Variants in TRIM66 observed in about 807,000 individuals in gnomAD.
TRIM66 encodes the protein tripartite motif-containing protein 66.
In TRIM66, 99 loss-of-function variants were observed where a neutral mutation model predicts 148.2. That is an observed-to-expected ratio of 0.67 (90% CI 0.57 to 0.79). The LOEUF is 0.79. TRIM66 is among the 30% of genes least tolerant of loss of function. The pLI is 0.00. For synonymous variants in TRIM66, 616 were observed against 635.9 expected (o/e 0.97, Z 0.47); for missense variants, 1,666 against 1,697.9 (o/e 0.98, Z 0.33).
In TRIM66 at chr11:8,621,218, C is replaced by T. The variant is rs772034872; in HGVS notation, c.3359G>A (p.Gly1120Asp). The T allele has an allele frequency of 1.6e-5, 25 of 1,551,724 alleles. No individual in the cohort carries two copies. In the South Asian group the frequency reaches 2.0e-4, roughly 13 times the overall value. The change falls in exon 20 of 25, where the codon GGC (glycine) becomes GAC (aspartate). Residue 1120 changes from glycine to aspartate, a missense_variant. By Grantham distance (94) the Gly-to-Asp change is moderately conservative. Transcript: ENST00000646038. ...LAGQRPPEVEGTSPEEHRLIP... is the reference protein window; with the variant it reads ...LAGQRPPEVEDTSPEEHRLIP... ...GAGTCTGTGTTCTTCAGGAGATGTG[C>T]CCTCCACTTCTGGTGGCCGCTGCCC...
In TRIM66 at chr11:8,640,745, A is replaced by G; in HGVS notation, c.1630T>C (p.Ser544Pro). 6.4e-7 allele frequency: 1 copy of G among 1,551,398 alleles called. No individual in the cohort carries two copies. The highest frequency in any genetic ancestry group is 8.7e-7 in the Non-Finnish European group (1 of 1,146,978). ...GTCAGCTGCTGCCCCAGCCGCTGGG[A>G]TGTGCTCTCCTGCTCCACGGGGGGC... The part of the protein sequence containing the change: ...TQPPVEQEST[S>P]QRLGQQLTSQ... The change falls in exon 14 of 25, where the codon TCC becomes CCC. Residue 544 changes from serine to proline, a missense_variant. Coordinates refer to ENST00000646038, the MANE Select transcript of TRIM66 (RefSeq NM_001388022.1).
chr11:8,652,670 G>A lies in TRIM66; in HGVS notation c.341-767C>T, dbSNP rs143179163. Among the ~76,000 whole-genome samples the A allele has an allele frequency of 5.3e-5, 8 of 152,218 alleles. No individual in the cohort carries two copies. The East Asian group carries it at 1.5e-3, about 29-fold the overall frequency. ...CCCTGGAGACCACAGTGATTCTGCC[G>A]GCCCACCGCAAGGGCAGTCAACCTA... On this transcript the variant is annotated intron_variant, in intron 6 of 24. Transcript: ENST00000646038.
intron 6 of TRIM66, among the ~76,000 whole-genome samples, chr11:8,656,202 A>T (rs2037816010): frequency 6.6e-6 from 1 of 152,280 alleles, no homozygotes; most frequent in African/African-American, 2.4e-5. Context: ...GTTTTACTTT[A>T]GACAAGGCAT....
At position 8,642,986 on chromosome 11, in the gene TRIM66, TG is replaced by T. The variant is rs1380461489; in HGVS notation, c.1222+22del. On this transcript the variant is annotated intron_variant, in intron 13 of 24. Coordinates refer to ENST00000646038, the MANE Select transcript of TRIM66 (RefSeq NM_001388022.1). The stretch of plus-strand genomic sequence containing the variant: ...TCAAAGCCCACAGGGTGGGTAGGCC[TG>T]GGTGGGTGGGTCCAAGCTCACCAAG... The T allele has an allele frequency of 1.4e-5, 21 of 1,526,370 alleles. No individual in the cohort carries two copies. In the Admixed American group the frequency reaches 4.1e-4, roughly 30 times the overall value. The allele number at this position is 1,526,370 out of a possible 1,614,324, so 94.6% of individuals were successfully genotyped here.
In TRIM66 at chr11:8,678,363, G is replaced by A. The variant is rs761774612; in HGVS notation, c.-190+1257C>T. ...TAAAAATAATCATGAAGACTGGGTA[G>A]TGATACGAAAAACTGCCATGGTATT... On this transcript the variant is annotated intron_variant, in intron 3 of 24. Transcript: ENST00000646038. 4.6e-5 allele frequency among the ~76,000 whole-genome samples: 7 copies of A among 152,292 alleles called. No individual in the cohort carries two copies. The Middle Eastern group carries it at 0.02, about 444-fold the overall frequency.
chr11:8,652,836 A>G (rs2037478842), intron 6 of TRIM66, among the ~76,000 whole-genome samples: 1 of 152,236 alleles, frequency 6.6e-6, no homozygotes, highest in Admixed American at 6.5e-5. Flanking sequence ...TCAAAATACG[A>G]AAGAATGATA....
intron 13 of TRIM66, among the ~76,000 whole-genome samples, chr11:8,642,420 A>T (rs985928284): frequency 4.6e-5 from 7 of 152,158 alleles, no homozygotes; most frequent in Admixed American, 4.6e-4. Context: ...TCAGTTTAAC[A>T]CTCGTTAGGC....
intron 6 of TRIM66, among the ~76,000 whole-genome samples, chr11:8,670,465 G>A (rs1376600265): frequency 6.6e-6 from 1 of 152,006 alleles, no homozygotes; most frequent in African/African-American, 2.4e-5. Context: ...CTATAATGCT[G>A]GAACTTTCAA....
intron 15 of TRIM66, among the ~76,000 whole-genome samples, chr11:8,636,555 G>A (rs1010527935): frequency 6.6e-6 from 1 of 151,892 alleles, no homozygotes; most frequent in South Asian, 2.1e-4. Context: ...GATCCACTGG[G>A]ATGGGAGCAT....
In TRIM66 at chr11:8,615,385, C is replaced by T. The variant is rs552148300; in HGVS notation, c.*2559G>A. The T allele has an allele frequency of 5.8e-4, 88 of 152,234 alleles. No homozygotes were observed. The South Asian group carries it at 6.0e-3, about 10-fold the overall frequency. The allele number at this position is 152,234 out of a possible 1,614,324, so 9.4% of individuals were successfully genotyped here. On this transcript the variant is annotated 3_prime_UTR_variant, in exon 25 of 25. Transcript: ENST00000646038. The stretch of plus-strand genomic sequence containing the variant: ...TGTCCCATAAGAATCTAGAACTCAC[C>T]GTATTTCCACTGCATGATGTTGTCA...
intron 15 of TRIM66, among the ~76,000 whole-genome samples, chr11:8,637,585 G>T (rs762292500): frequency 1.3e-5 from 2 of 152,130 alleles, no homozygotes; most frequent in Non-Finnish European, 2.9e-5. Context: ...CTCTCCTCAA[G>T]TGTCACGGAG....
intron 15 of TRIM66, among the ~76,000 whole-genome samples, chr11:8,634,374 G>C (rs2035688787): frequency 6.6e-6 from 1 of 152,154 alleles, no homozygotes; most frequent in African/African-American, 2.4e-5. Context: ...TCACCATGTT[G>C]CCCAGGCTGG....
intron 17 of TRIM66, among the ~76,000 whole-genome samples, chr11:8,624,140 A>C (rs2034576366): frequency 6.6e-6 from 1 of 152,166 alleles, no homozygotes; most frequent in Admixed American, 6.5e-5. Flanking sequence ...TTACAAAAAG[A>C]GTAAGTCCTG....
chr11:8,661,755 C>T (rs987329396), intron 6 of TRIM66, among the ~76,000 whole-genome samples: 5 of 152,198 alleles, frequency 3.3e-5, no homozygotes, highest in African/African-American at 1.2e-4. Context: ...AGATTAAGGG[C>T]CTTCCCTGCC....
At chr11:8,636,170 C>T (rs2035861438) in intron 15 of TRIM66, among the ~76,000 whole-genome samples, 1 of 152,072 alleles carries the variant, frequency 6.6e-6, no homozygotes, top group African/African-American at 2.4e-5. Context: ...TGGCCCCACC[C>T]AGAAGCAACT....
intron 6 of TRIM66, among the ~76,000 whole-genome samples, chr11:8,652,502 A>C (rs7123627): frequency 6.6e-6 from 1 of 152,082 alleles, no homozygotes. Flanking sequence ...CTCCCCATAG[A>C]CCAAGTTAGA....
At position 8,625,221 on chromosome 11, in the gene TRIM66, G is replaced by A; in HGVS notation, c.2318C>T (p.Thr773Ile). The change falls in exon 16 of 25, where the codon ACC becomes ATC. Residue 773 changes from threonine to isoleucine, a missense_variant. Thr to Ile is a moderately conservative substitution (Grantham distance 89). Around this residue, in one of 3 missense-constraint regions of TRIM66, gnomAD observed 1,431 missense variants for 1,412.4 expected, o/e 1.01. Coordinates refer to ENST00000646038, the MANE Select transcript of TRIM66 (RefSeq NM_001388022.1). The part of the protein sequence containing the change: ...SSPNVVRKHS[T>I]SLSIMGFSNT... ...GGAAAAGCCCATGATGCTCAGCGAGGTGGAGTGCTGCAGGAACAGAGACAA... is the reference window on the plus strand; with the variant it reads ...GGAAAAGCCCATGATGCTCAGCGAGATGGAGTGCTGCAGGAACAGAGACAA... The A allele has an allele frequency of 6.7e-7, 1 of 1,498,918 alleles. No homozygotes were observed. The highest frequency in any genetic ancestry group is 8.9e-7 in the Non-Finnish European group (1 of 1,117,800). 92.9% of individuals were successfully genotyped at this position (1,498,918 alleles called of 1,614,324 possible).
chr11:8,637,572 A>G (rs2035994778), intron 15 of TRIM66, among the ~76,000 whole-genome samples: 1 of 152,132 alleles, frequency 6.6e-6, no homozygotes, highest in South Asian at 2.1e-4. Context: ...TCTTTTTTCT[A>G]AACTCTCCTC....
chr11:8,654,334 T>G (rs2037627720), intron 6 of TRIM66: 1 of 152,244 alleles, frequency 6.6e-6, no homozygotes, highest in African/African-American at 2.4e-5. Context: ...ACCAGACTTT[T>G]GCATGACTCT....
Sources: allele counts gnomAD v4.1 joint callset (sites outside exome capture counted in the v4.1 genomes callset), GRCh38; gene constraint gnomAD v4.1.1; regional missense constraint gnomAD v4.1.1; transcripts MANE v1.5; gene names NCBI Gene and HGNC (gene_info 2026-07-23, HGNC 2026-07-21).